Variants in PXYLP1 observed in about 807,000 individuals in gnomAD.
The protein encoded by PXYLP1 is 2-phosphoxylose phosphatase 1, also known as acid phosphatase-like 2.
PXYLP1 carries 17 observed loss-of-function variants against 37.9 expected under a neutral mutation model. That is an observed-to-expected ratio of 0.45 (90% CI 0.31 to 0.67). The LOEUF (loss-of-function observed/expected upper bound fraction) is 0.67, where lower values mean the gene tolerates loss of function less well. Ranked by LOEUF, PXYLP1 falls within the 30% of genes least tolerant of loss-of-function variation. PXYLP1 has a pLI of 0.07. For missense variants in PXYLP1, 511 were observed against 612.0 expected (o/e 0.84, Z 1.74); for synonymous variants, 221 against 232.2 (o/e 0.95, Z 0.44).
intron 2 of PXYLP1, among the ~76,000 whole-genome samples, chr3:141,275,058 C>T (rs1294801800): frequency 6.6e-6 from 1 of 152,108 alleles, no homozygotes; most frequent in East Asian, 1.9e-4. Context: ...GTTTTGAATG[C>T]CTGGTATTGG....
intron 5 of PXYLP1, among the ~76,000 whole-genome samples, chr3:141,287,988 T>C (rs1322231043): frequency 6.6e-6 from 1 of 152,258 alleles, no homozygotes; most frequent in Non-Finnish European, 1.5e-5. Context: ...TAGGTTTTCA[T>C]GTACAAGATC....
At chr3:141,273,567 A>C (rs544062645) in intron 2 of PXYLP1, 3 of 985,420 alleles carry the variant, frequency 3.0e-6, no homozygotes, top group East Asian at 1.1e-4. Flanking sequence ...TTTACTCATG[A>C]TTCTAAGAAA....
chr3:141,236,481 A>C (rs964370601), intron 1 of PXYLP1: 1 of 152,176 alleles, frequency 6.6e-6, no homozygotes, highest in African/African-American at 2.4e-5. Flanking sequence ...TAAAGTTACA[A>C]ATCATTTTGA....
At chr3:141,249,470 C>CTTTTTTTT (rs564313232) in intron 1 of PXYLP1, among the ~76,000 whole-genome samples, 1 of 93,172 alleles carries the variant, frequency 1.1e-5, no homozygotes, top group South Asian at 4.1e-4. Flanking sequence ...ACTTTGGAAG[C>CTTTTTTTT]TTTTTTTTTT....
chr3:141,249,088 ACCT>A (rs1941082085), intron 1 of PXYLP1, among the ~76,000 whole-genome samples: 1 of 152,072 alleles, frequency 6.6e-6, no homozygotes, highest in African/African-American at 2.4e-5. Context: ...GACACTGTCA[ACCT>A]CCTACTAAGT....
chr3:141,237,847 G>GGGT, intron 1 of PXYLP1, among the ~76,000 whole-genome samples: 1 of 152,190 alleles, frequency 6.6e-6, no homozygotes, highest in East Asian at 1.9e-4. Flanking sequence ...GCTGACCATG[G>GGGT]GGTGGTGACC....
intron 2 of PXYLP1, chr3:141,262,817 T>C (rs1941425872): frequency 1.1e-6 from 1 of 923,626 alleles, no homozygotes; most frequent in Non-Finnish European, 1.7e-6. Flanking sequence ...ATTATTATAC[T>C]GTAAGAAACA....
chr3:141,236,187 CAT>C (rs765799352), intron 1 of PXYLP1: 29 of 152,244 alleles, frequency 1.9e-4, no homozygotes, highest in African/African-American at 6.0e-4. Context: ...GGAACTCAAA[CAT>C]GTGGTAGTAG....
chr3:141,278,280 G>A (rs532209353), intron 2 of PXYLP1, 62 bp from the exon 3 acceptor site: 1 of 1,590,870 alleles, frequency 6.3e-7, no homozygotes, highest in Non-Finnish European at 8.6e-7. Flanking sequence ...CCTGCGCTGG[G>A]CCTTGCAGCT....
At chr3:141,283,279 G>A (rs1273796731) in intron 4 of PXYLP1, among the ~76,000 whole-genome samples, 1 of 151,976 alleles carries the variant, frequency 6.6e-6, no homozygotes, top group South Asian at 2.1e-4. Flanking sequence ...ACCCTGCCTG[G>A]CCTAGTCTGT....
intron 4 of PXYLP1, 151 bp from the exon 5 acceptor site, chr3:141,287,163 T>G: frequency 1.2e-6 from 1 of 820,290 alleles, no homozygotes; most frequent in Non-Finnish European, 1.9e-6. Flanking sequence ...CGAGAAATAA[T>G]GAAATTGGAA....
chr3:141,260,501 C>G (rs1941366885), intron 2 of PXYLP1, among the ~76,000 whole-genome samples: 1 of 152,230 alleles, frequency 6.6e-6, no homozygotes. Context: ...TGTTCAGATT[C>G]ACCAGATGGA....
chr3:141,263,780 CT>C (rs1372714336), intron 2 of PXYLP1, among the ~76,000 whole-genome samples: 1 of 152,198 alleles, frequency 6.6e-6, no homozygotes, highest in Non-Finnish European at 1.5e-5. Context: ...ATTCCTTCTT[CT>C]GTAAAATAGA....
At chr3:141,243,741 C>T (rs912716437) in intron 1 of PXYLP1, among the ~76,000 whole-genome samples, 3 of 152,326 alleles carry the variant, frequency 2.0e-5, no homozygotes, top group East Asian at 1.9e-4. Context: ...AAGTGGGGCA[C>T]GAGGCCCCTC....
At chr3:141,257,321 A>T (rs1217876315) in intron 1 of PXYLP1, among the ~76,000 whole-genome samples, 2 of 152,210 alleles carry the variant, frequency 1.3e-5, no homozygotes, top group African/African-American at 4.8e-5. Flanking sequence ...TGGTGGTCTC[A>T]GTGTTGGAAA....
chr3:141,292,327 A>G lies in PXYLP1; in HGVS notation c.565A>G (p.Lys189Glu), dbSNP rs1177333577. 1 of 1,613,110 alleles carries G rather than the reference A, an allele frequency of 6.2e-7. No homozygotes were observed. The highest frequency in any genetic ancestry group is 8.5e-7 in the Non-Finnish European group (1 of 1,179,678). ...GAGGGATATCTATCTAAAGAAACACAAACTCCTGCCCAATGATTGGTCTGC... is the reference window on the plus strand; with the variant it reads ...GAGGGATATCTATCTAAAGAAACACGAACTCCTGCCCAATGATTGGTCTGC... The part of the protein sequence containing the change: ...LLRDIYLKKH[K>E]LLPNDWSADQ... The change falls in exon 6 of 6, where the codon AAA becomes GAA. Residue 189 changes from lysine (K) to glutamate (E), a missense_variant. Transcript: ENST00000286353. The surrounding 1 kb of genome is among the most constrained non-coding windows in gnomAD (Gnocchi z 4.3).
At chr3:141,272,859 C>G (rs1054420029) in intron 2 of PXYLP1, 19 of 579,032 alleles carry the variant, frequency 3.3e-5, no homozygotes, top group Non-Finnish European at 3.7e-5. Context: ...GTGGGTCTGC[C>G]TTTCCCAGCC....
intron 1 of PXYLP1, among the ~76,000 whole-genome samples, chr3:141,239,112 A>G (rs1306009116): frequency 1.3e-5 from 2 of 151,994 alleles, no homozygotes; most frequent in Admixed American, 6.5e-5. Flanking sequence ...ACAAAGAAAC[A>G]GCAAATAATG....
Position 141,262,658 on chromosome 3 carries a change from A to T in PXYLP1, c.79+2404A>T, listed in dbSNP as rs117628061. The T allele has an allele frequency of 6.2e-4, 952 of 1,529,446 alleles. 24 individuals carry two copies. In the East Asian group the frequency reaches 0.023, roughly 37 times the overall value. The allele number at this position is 1,529,446 out of a possible 1,614,324, so 94.7% of individuals were successfully genotyped here. On this transcript the variant is annotated intron_variant, in intron 2 of 5. Coordinates refer to ENST00000286353, the MANE Select transcript of PXYLP1 (RefSeq NM_001037172.3). ...TAGCCTGTCTGGGTCTGAGCTCTTT[A>T]TTCTTGGATACGTTGGAGATCGGAA...
Sources: gnomAD v4.1 joint callset for allele counts (sites outside exome capture counted in the v4.1 genomes callset) on GRCh38, gnomAD v4.1.1 for gene constraint, Gnocchi (gnomAD v3.1) non-coding constraint, MANE v1.5 for transcripts, NCBI Gene and HGNC (gene_info 2026-07-23, HGNC 2026-07-21) for gene names.